TMEM117: variants seen among roughly 807,000 people sequenced by gnomAD.
The protein encoded by TMEM117 is transmembrane protein 117.
A neutral mutation model predicts 52.4 loss-of-function variants in TMEM117; 27 were observed. That is an observed-to-expected ratio of 0.51 (90% CI 0.38 to 0.71). TMEM117 has a LOEUF of 0.71. Ranked by LOEUF, TMEM117 falls within the 30% of genes least tolerant of loss-of-function variation. The probability of loss-of-function intolerance (pLI) is 0.00; values close to 1 mark genes in which losing one functional copy is unlikely to be tolerated. For synonymous variants in TMEM117, 215 were observed against 206.3 expected, an observed-to-expected ratio of 1.04 and a Z score of -0.36; for missense variants, 556 against 630.5, an observed-to-expected ratio of 0.88 and a Z score of 1.26.
chr12:43,997,011 G>T (rs1262825645), intron 3 of TMEM117, among the ~76,000 whole-genome samples: 1 of 152,198 alleles, frequency 6.6e-6, no homozygotes, highest in Non-Finnish European at 1.5e-5. Context: ...TGTTCTGGCG[G>T]CTCAGTCTTA....
intron 3 of TMEM117, among the ~76,000 whole-genome samples, chr12:43,967,604 C>T (rs957438074): frequency 6.6e-6 from 1 of 152,160 alleles, no homozygotes; most frequent in Non-Finnish European, 1.5e-5. Context: ...GGCCTGCCAA[C>T]AACCTCATGA....
At chr12:44,148,596 C>A (rs1481672989) in intron 4 of TMEM117, among the ~76,000 whole-genome samples, 1 of 151,830 alleles carries the variant, frequency 6.6e-6, no homozygotes, top group Non-Finnish European at 1.5e-5. Flanking sequence ...TGTATTTTTT[C>A]AGAGAGATTT....
chr12:43,985,563 A>G (rs533831589), intron 3 of TMEM117, among the ~76,000 whole-genome samples: 40 of 152,300 alleles, frequency 2.6e-4, no homozygotes, highest in African/African-American at 8.4e-4. Flanking sequence ...ATAATTGTGG[A>G]TGATTATTTC....
intron 3 of TMEM117, among the ~76,000 whole-genome samples, chr12:44,119,302 A>T (rs1280907556): frequency 6.6e-6 from 1 of 150,528 alleles, no homozygotes; most frequent in East Asian, 1.9e-4. Context: ...GAGCTTGCAG[A>T]GGATGTTTAT....
chr12:44,206,266 T>C (rs973463674), intron 4 of TMEM117, among the ~76,000 whole-genome samples: 1 of 152,234 alleles, frequency 6.6e-6, no homozygotes, highest in Non-Finnish European at 1.5e-5. Context: ...CATGCTATTG[T>C]TTGTGGTTTA....
intron 4 of TMEM117, among the ~76,000 whole-genome samples, chr12:44,145,306 A>G (rs1017324199): frequency 6.6e-6 from 1 of 152,202 alleles, no homozygotes; most frequent in African/African-American, 2.4e-5. Context: ...TGTGATTTTG[A>G]CATCACTTTG....
chr12:44,345,325 T>G (rs540253707), intron 6 of TMEM117, among the ~76,000 whole-genome samples: 51 of 152,100 alleles, frequency 3.4e-4, no homozygotes, highest in Non-Finnish European at 6.5e-4. Context: ...CAGGGCATAT[T>G]CCCCTCAGTT....
chr12:44,003,358 T>G (rs1024843426), intron 3 of TMEM117, among the ~76,000 whole-genome samples: 9 of 152,162 alleles, frequency 5.9e-5, no homozygotes, highest in African/African-American at 2.2e-4. Context: ...CCCACTCACA[T>G]GCTCTTGTGC....
chr12:44,344,770 A>T (rs1951462532), intron 6 of TMEM117, among the ~76,000 whole-genome samples: 1 of 152,048 alleles, frequency 6.6e-6, no homozygotes, highest in Non-Finnish European at 1.5e-5. Context: ...TTGTCCAGTC[A>T]CATAGTTACA....
chr12:43,820,027 CATT>C, the TMEM117 span, among the ~76,000 whole-genome samples: 4 of 152,180 alleles, frequency 2.6e-5, no homozygotes, highest in East Asian at 7.7e-4. Context: ...GAAAAGAAAA[CATT>C]ATTATCCATT....
At chr12:44,011,832 T>A (rs569180151) in intron 3 of TMEM117, among the ~76,000 whole-genome samples, 1 of 152,302 alleles carries the variant, frequency 6.6e-6, no homozygotes, top group South Asian at 2.1e-4. Flanking sequence ...CTTCGTTTTG[T>A]TGTCTGTTCT....
chr12:44,071,420 T>G lies in TMEM117; in HGVS notation c.411-72105T>G, dbSNP rs181189494. On this transcript the variant is annotated intron_variant, in intron 3 of 7. Transcript: ENST00000266534. ...AAAGAATGTAGAAAGCCCCTAGGTTTAGGCATAAATAATAAAATTAAAGGG... is the reference window on the plus strand; with the variant it reads ...AAAGAATGTAGAAAGCCCCTAGGTTGAGGCATAAATAATAAAATTAAAGGG... 5.8e-4 allele frequency among the ~76,000 whole-genome samples: 89 copies of G among 152,368 alleles called. 1 individual carries two copies. The highest frequency in any genetic ancestry group is 3.6e-3 in the Admixed American group (55 of 15,300).
chr12:43,985,192 C>T (rs188741854), intron 3 of TMEM117, among the ~76,000 whole-genome samples: 10 of 151,844 alleles, frequency 6.6e-5, no homozygotes, highest in South Asian at 6.2e-4. Flanking sequence ...TTTTTAAAGC[C>T]GTTATCTTCT....
chr12:44,037,569 G>C (rs1452896961), intron 3 of TMEM117, among the ~76,000 whole-genome samples: 1 of 152,160 alleles, frequency 6.6e-6, no homozygotes, highest in African/African-American at 2.4e-5. Flanking sequence ...TCAAACCAGG[G>C]AGGGCCTGAA....
chr12:44,270,580 T>G (rs1031667541), intron 5 of TMEM117, among the ~76,000 whole-genome samples: 2 of 152,238 alleles, frequency 1.3e-5, no homozygotes, highest in East Asian at 1.9e-4. Flanking sequence ...TTTTACTTCC[T>G]CTTTACTGAC....
At chr12:43,892,628 G>A (rs1944127865) in intron 2 of TMEM117, among the ~76,000 whole-genome samples, 1 of 152,202 alleles carries the variant, frequency 6.6e-6, no homozygotes, top group African/African-American at 2.4e-5. Flanking sequence ...TTCCTAAAGT[G>A]TAGCTCTAAT....
the TMEM117 span, chr12:43,796,835 A>G: frequency 1.2e-6 from 1 of 849,832 alleles, no homozygotes; most frequent in Non-Finnish European, 1.8e-6. Context: ...GTTCCCAGGC[A>G]CTTAGAGGAG....
intron 6 of TMEM117, among the ~76,000 whole-genome samples, chr12:44,373,408 G>A (rs879292747): frequency 6.6e-6 from 1 of 152,228 alleles, no homozygotes. Context: ...CAATGGATAA[G>A]GGCAGAAAGG....
the TMEM117 span, chr12:43,804,594 GT>G: frequency 6.5e-7 from 1 of 1,543,524 alleles, no homozygotes; most frequent in Non-Finnish European, 8.8e-7. Flanking sequence ...GATAAAGAAA[GT>G]AAACTTTTTA....
Sources: gnomAD v4.1 joint callset for allele counts (sites outside exome capture counted in the v4.1 genomes callset) on GRCh38, gnomAD v4.1.1 for gene constraint, MANE v1.5 for transcripts, NCBI Gene and HGNC (gene_info 2026-07-23, HGNC 2026-07-21) for gene names.